The following PARD3 variants were observed in gnomAD, a reference collection of about 807,000 sequenced individuals.
PARD3 encodes partitioning defective 3 homolog.
PARD3 carries 75 observed loss-of-function variants against 155.4 expected under a neutral mutation model. The ratio of observed to expected loss-of-function variants is 0.48; its 90% CI spans 0.40 to 0.58. The LOEUF (loss-of-function observed/expected upper bound fraction) is 0.58, where lower values mean the gene tolerates loss of function less well. Ranked by LOEUF, PARD3 falls within the 20% of genes least tolerant of loss-of-function variation. The pLI, the probability that PARD3 is intolerant of heterozygous loss-of-function variation, is 0.00. For synonymous variants in PARD3, 576 were observed against 610.5 expected (o/e 0.94, Z 0.83); for missense variants, 1,642 against 1,721.7 (o/e 0.95, Z 0.82).
chr10:34,384,141 C>G lies in PARD3; in HGVS notation c.1004G>C (p.Arg335Thr). ...AGCACACACTTACTGTTCAAATCTT[C>G]TATTTCGAAGGTCGCCATCATTAAT... ...VRINDGDLRN[R>T]RFEQAQHMFR... is the part of the protein sequence containing the mutation. Residue 335 changes from arginine (R) to threonine (T), a missense_variant, in exon 8 of 25, where the codon AGA becomes ACA. This residue lies in a region of PARD3 where 1,529 missense variants were observed against 1,587.3 expected (regional missense o/e 0.96). Transcript: ENST00000374788. 1 of 1,613,764 alleles carries G rather than the reference C, an allele frequency of 6.2e-7. No homozygotes were observed. The highest frequency in any genetic ancestry group is 2.2e-5 in the East Asian group (1 of 44,862).
intron 22 of PARD3, among the ~76,000 whole-genome samples, chr10:34,254,292 T>C (rs1954518727): frequency 6.6e-6 from 1 of 151,836 alleles, no homozygotes; most frequent in African/African-American, 2.4e-5. Context: ...GGCAGAAGAA[T>C]GGCGTGAACC....
intron 19 of PARD3, among the ~76,000 whole-genome samples, chr10:34,329,239 A>C (rs1318539104): frequency 6.6e-6 from 1 of 152,176 alleles, no homozygotes; most frequent in Admixed American, 6.5e-5. Context: ...ATCTCCTGTT[A>C]CATTTGAAAT....
At chr10:34,187,508 A>G (rs1425546384) in intron 22 of PARD3, among the ~76,000 whole-genome samples, 4 of 152,226 alleles carry the variant, frequency 2.6e-5, no homozygotes, top group Admixed American at 2.0e-4. Context: ...ATCAAACCAC[A>G]ATATTCATCA....
At chr10:34,617,904 T>C (rs1408017418) in intron 2 of PARD3, among the ~76,000 whole-genome samples, 3 of 152,232 alleles carry the variant, frequency 2.0e-5, no homozygotes, top group African/African-American at 4.8e-5. Flanking sequence ...GGGTTAAAAC[T>C]GTGAGAGAGA....
At position 34,269,811 on chromosome 10, in the gene PARD3, AGC is replaced by A; in HGVS notation, c.3263_3264del (p.Gly1088ValfsTer2). Reference protein sequence around the residue: ...AEIQDFHRTFGCDDELMYGGV... With the variant: ...AEIQDFHRTFXCDDELMYGGV... ...CCCCCATACATTAACTCATCATCAC[AGC>A]CAAATGTCCGATGAAAATCTTGAAT... On this transcript the variant is annotated frameshift_variant, in exon 22 of 25. Coordinates refer to ENST00000374788, the MANE Select transcript of PARD3 (RefSeq NM_001184785.2). LOFTEE classifies it high-confidence loss of function. The A allele has an allele frequency of 6.2e-7, 1 of 1,614,004 alleles. No homozygotes were observed. The highest frequency in any genetic ancestry group is 8.5e-7 in the Non-Finnish European group (1 of 1,179,950).
intron 9 of PARD3, among the ~76,000 whole-genome samples, 196 bp downstream of exon 9, chr10:34,382,344 T>A (rs971661742): frequency 6.6e-6 from 1 of 152,170 alleles, no homozygotes; most frequent in Non-Finnish European, 1.5e-5. Flanking sequence ...ACCTGAGACA[T>A]ATAAGAAATA....
chr10:34,154,622 C>T (rs554005121), intron 22 of PARD3, among the ~76,000 whole-genome samples: 14 of 152,236 alleles, frequency 9.2e-5, no homozygotes, highest in African/African-American at 3.1e-4. Flanking sequence ...AAGACTAAAG[C>T]GCATTCATGG....
intron 5 of PARD3, among the ~76,000 whole-genome samples, chr10:34,409,994 CTG>C (rs780638482): frequency 1.3e-5 from 2 of 152,236 alleles, no homozygotes; most frequent in East Asian, 3.9e-4. Context: ...CATTTATAAA[CTG>C]TGGGAAATAA....
chr10:34,658,913 T>A (rs1450125622), intron 2 of PARD3, among the ~76,000 whole-genome samples: 1 of 152,240 alleles, frequency 6.6e-6, no homozygotes, highest in African/African-American at 2.4e-5. Flanking sequence ...CCACGTGTGT[T>A]AAAATAAGTA....
rs537631590 is a variant in PARD3 at position 34,269,840 on chromosome 10, T to G, written c.3236A>C (p.Glu1079Ala). Reference sequence around the variant, plus strand: ...AAATGTCCGATGAAAATCTTGAATTTCAGCATAGTCACGCTCTCGAGCTTG... The same window carrying G: ...AAATGTCCGATGAAAATCTTGAATTGCAGCATAGTCACGCTCTCGAGCTTG... The part of the protein sequence containing the change: ...ERQARERDYA[E>A]IQDFHRTFGC... Residue 1079 changes from glutamate (E) to alanine (A), a missense_variant, in exon 22 of 25, where the codon GAA (glutamate) becomes GCA (alanine). By Grantham distance (107) the Glu-to-Ala change is moderately radical (BLOSUM62 -1). This residue lies in a region of PARD3 where 1,529 missense variants were observed against 1,587.3 expected (regional missense o/e 0.96). Transcript: ENST00000374788. 2 of 1,613,986 alleles carry G rather than the reference T, an allele frequency of 1.2e-6. No homozygotes were observed. Among genetic ancestry groups the G allele is most frequent in the South Asian group, 2.2e-5 (2 of 91,082 alleles).
intron 2 of PARD3, among the ~76,000 whole-genome samples, chr10:34,533,638 C>G (rs1218667913): frequency 6.6e-6 from 1 of 151,962 alleles, no homozygotes; most frequent in Non-Finnish European, 1.5e-5. Context: ...GAAACCCCAT[C>G]TCTACTAAAA....
At chr10:34,608,915 A>T (rs2090676637) in intron 2 of PARD3, among the ~76,000 whole-genome samples, 2 of 152,152 alleles carry the variant, frequency 1.3e-5, no homozygotes, top group South Asian at 2.1e-4. Flanking sequence ...TAATCTAGAG[A>T]TCATCTACAG....
chr10:34,193,355 AT>A (rs1185171504), intron 22 of PARD3, among the ~76,000 whole-genome samples: 1 of 152,234 alleles, frequency 6.6e-6, no homozygotes, highest in East Asian at 1.9e-4. Context: ...CAAACAGTGC[AT>A]TTTTTCCCCT....
intron 2 of PARD3, among the ~76,000 whole-genome samples, chr10:34,594,614 C>G (rs1045220792): frequency 6.6e-6 from 1 of 152,034 alleles, no homozygotes; most frequent in Non-Finnish European, 1.5e-5. Flanking sequence ...AAAAGAAAAT[C>G]GGCTTCAAAA....
chr10:34,189,083 G>C (rs1158831155), intron 22 of PARD3, among the ~76,000 whole-genome samples: 1 of 152,188 alleles, frequency 6.6e-6, no homozygotes, highest in South Asian at 2.1e-4. Context: ...TGTAATCTCA[G>C]TGCTTTGGGA....
At chr10:34,161,714 GTTCAT>G (rs1321482364) in intron 22 of PARD3, among the ~76,000 whole-genome samples, 2 of 152,160 alleles carry the variant, frequency 1.3e-5, no homozygotes, top group African/African-American at 4.8e-5. Flanking sequence ...GAAATTCGCT[GTTCAT>G]TTCAAGACAC....
chr10:34,517,658 A>C (rs754411136), intron 2 of PARD3, among the ~76,000 whole-genome samples: 4 of 152,120 alleles, frequency 2.6e-5, no homozygotes, highest in Non-Finnish European at 4.4e-5. Context: ...CCAGTTAGTA[A>C]ATTTGTTTCT....
intron 22 of PARD3, among the ~76,000 whole-genome samples, chr10:34,256,658 T>C (rs1954669401): frequency 6.6e-6 from 1 of 152,116 alleles, no homozygotes; most frequent in Non-Finnish European, 1.5e-5. Flanking sequence ...CCCTGTATTC[T>C]CAAAGAGTCA....
intron 3 of PARD3, among the ~76,000 whole-genome samples, chr10:34,485,354 T>A (rs1433222077): frequency 1.3e-5 from 2 of 151,016 alleles, no homozygotes; most frequent in African/African-American, 4.9e-5. Context: ...AAAAAAAAGT[T>A]CATTTTTGCC....
Sources: allele counts gnomAD v4.1 joint callset (sites outside exome capture counted in the v4.1 genomes callset), GRCh38; gene constraint gnomAD v4.1.1; regional missense constraint gnomAD v4.1.1; transcripts MANE v1.5; gene names NCBI Gene and HGNC (gene_info 2026-07-23, HGNC 2026-07-21).